KCNIP1: variants seen among roughly 807,000 people sequenced by gnomAD.
KCNIP1 encodes the protein A-type potassium channel modulatory protein KCNIP1.
In KCNIP1, 18 loss-of-function variants were observed where a neutral mutation model predicts 33.0. The observed-to-expected ratio is 0.55, with a 90% CI of 0.38 to 0.81. The LOEUF (loss-of-function observed/expected upper bound fraction) is 0.81, where lower values mean the gene tolerates loss of function less well. KCNIP1 is among the 30% of genes least tolerant of loss of function. The pLI is 0.00. For missense variants in KCNIP1, 238 were observed against 271.6 expected (o/e 0.88, Z 0.87); for synonymous variants, 93 against 98.3 (o/e 0.95, Z 0.32).
At chr5:170,530,212 A>G (rs1755736288) in intron 1 of KCNIP1, among the ~76,000 whole-genome samples, 1 of 152,254 alleles carries the variant, frequency 6.6e-6, no homozygotes, top group Non-Finnish European at 1.5e-5. Flanking sequence ...ATGGCAACAC[A>G]GATAAAATCA....
At chr5:170,528,071 G>T (rs922892849) in intron 1 of KCNIP1, among the ~76,000 whole-genome samples, 3 of 152,130 alleles carry the variant, frequency 2.0e-5, no homozygotes, top group Non-Finnish European at 4.4e-5. Context: ...AACCCTCCCA[G>T]GAGCCTCAAG....
At chr5:170,371,885 C>G (rs902314100) in intron 1 of KCNIP1, among the ~76,000 whole-genome samples, 1 of 151,978 alleles carries the variant, frequency 6.6e-6, no homozygotes, top group African/African-American at 2.4e-5. Context: ...TTCTCCCCGA[C>G]AATACTTCTG....
chr5:170,665,851 T>C (rs1449924263), intron 1 of KCNIP1, among the ~76,000 whole-genome samples: 1 of 152,232 alleles, frequency 6.6e-6, no homozygotes, highest in Non-Finnish European at 1.5e-5. Flanking sequence ...GAAGTTTTTC[T>C]GATGATTGCA....
chr5:170,536,417 C>T (rs1489109203), intron 1 of KCNIP1, among the ~76,000 whole-genome samples: 1 of 152,174 alleles, frequency 6.6e-6, no homozygotes, highest in Non-Finnish European at 1.5e-5. Flanking sequence ...ACGGGCAGAA[C>T]CTTGTCCCAC....
chr5:170,518,077 G>A (rs1194726435), intron 1 of KCNIP1, among the ~76,000 whole-genome samples: 1 of 151,986 alleles, frequency 6.6e-6, no homozygotes, highest in African/African-American at 2.4e-5. Flanking sequence ...TAGTGATGGT[G>A]GTGGTGTGGT....
rs1032992697 is a variant in KCNIP1 at position 170,496,045 on chromosome 5, G to A, written c.88+142081G>A. Among the ~76,000 whole-genome samples, 4 of 152,286 alleles carry A rather than the reference G, an allele frequency of 2.6e-5. No homozygotes were observed. In the East Asian group the frequency reaches 7.7e-4, roughly 29 times the overall value. On this transcript the variant is annotated intron_variant, in intron 1 of 7. Coordinates refer to the KCNIP1 transcript ENST00000377360. ...GGGCATGCTCATCGGCTCATCACTG[G>A]CATGATTACTAATCATCAGGCAGCG... is the stretch of plus-strand genomic sequence containing the variant.
chr5:170,497,777 C>T (rs1757337554), intron 1 of KCNIP1, among the ~76,000 whole-genome samples: 1 of 152,228 alleles, frequency 6.6e-6, no homozygotes, highest in African/African-American at 2.4e-5. Context: ...CCCCGCCTCA[C>T]CACACACACA....
chr5:170,500,747 T>C (rs1757394124), upstream of KCNIP1, among the ~76,000 whole-genome samples: 1 of 152,224 alleles, frequency 6.6e-6, no homozygotes, highest in Non-Finnish European at 1.5e-5. Context: ...CGTATGTGTG[T>C]GTATTTATCT....
intron 1 of KCNIP1, among the ~76,000 whole-genome samples, chr5:170,683,894 A>ATATGTG (rs1762450423): frequency 1.1e-5 from 1 of 91,636 alleles, no homozygotes; most frequent in African/African-American, 5.4e-5. Flanking sequence ...CAGCTAGTGT[A>ATATGTG]TGTGTGTGTG....
chr5:170,563,092 A>G (rs1000144192), intron 1 of KCNIP1, among the ~76,000 whole-genome samples: 1 of 152,158 alleles, frequency 6.6e-6, no homozygotes, highest in Admixed American at 6.5e-5. Flanking sequence ...AAGACCTGCT[A>G]GGAGAGCCTA....
chr5:170,661,908 A>G (rs1484344092), intron 1 of KCNIP1, among the ~76,000 whole-genome samples: 1 of 152,128 alleles, frequency 6.6e-6, no homozygotes, highest in Non-Finnish European at 1.5e-5. Flanking sequence ...GTCCCCTCTC[A>G]ATGTGTACAA....
At chr5:170,507,765 C>T (rs1253182079) in intron 1 of KCNIP1, among the ~76,000 whole-genome samples, 3 of 152,184 alleles carry the variant, frequency 2.0e-5, no homozygotes, top group Admixed American at 6.5e-5. Flanking sequence ...GTTCAGGGAG[C>T]GCTCTCTAAA....
At position 170,449,512 on chromosome 5, in the gene KCNIP1, G is replaced by A. The variant is rs1025142645; in HGVS notation, c.88+95548G>A. ...GTCCTGAATCAGGCTGCTGTAGGTTGAACTCCTGCCCCACTTAGCAGCTGG... is the reference window on the plus strand; with the variant it reads ...GTCCTGAATCAGGCTGCTGTAGGTTAAACTCCTGCCCCACTTAGCAGCTGG... On this transcript the variant is annotated intron_variant, in intron 1 of 7. Coordinates refer to the KCNIP1 transcript ENST00000377360. 4.6e-5 allele frequency among the ~76,000 whole-genome samples: 7 copies of A among 152,312 alleles called. No individual in the cohort carries two copies. In the East Asian group the frequency reaches 1.3e-3, roughly 29 times the overall value.
chr5:170,589,776 T>C (rs755538335), intron 1 of KCNIP1, among the ~76,000 whole-genome samples: 94 of 144,212 alleles, frequency 6.5e-4, no homozygotes, highest in African/African-American at 1.6e-3. Flanking sequence ...TGGTGTGGTG[T>C]GGTGTGATGT....
intron 1 of KCNIP1, among the ~76,000 whole-genome samples, chr5:170,497,518 G>A (rs1321775903): frequency 1.3e-5 from 2 of 152,292 alleles, no homozygotes; most frequent in East Asian, 3.9e-4. Context: ...ATGAGCATGT[G>A]TTCATGCAGC....
chr5:170,503,915 C>G, upstream of KCNIP1: 1 of 460,476 alleles, frequency 2.2e-6, no homozygotes, highest in Non-Finnish European at 2.9e-6. Flanking sequence ...GGGGTGAGGG[C>G]GCAGGGCTGG....
intron 1 of KCNIP1, among the ~76,000 whole-genome samples, chr5:170,451,810 C>T (rs1483425321): frequency 3.5e-5 from 5 of 142,588 alleles, no homozygotes; most frequent in Admixed American, 2.9e-4. Context: ...CCTGGGTGTC[C>T]GTGACTGGGC....
At chr5:170,384,734 A>G (rs532176497) in intron 1 of KCNIP1, among the ~76,000 whole-genome samples, 1 of 152,334 alleles carries the variant, frequency 6.6e-6, no homozygotes, top group Non-Finnish European at 1.5e-5. Flanking sequence ...GCTTTTCCTT[A>G]AAATCTCAAG....
chr5:170,583,411 G>C (rs1261526910), intron 1 of KCNIP1, among the ~76,000 whole-genome samples: 1 of 150,874 alleles, frequency 6.6e-6, no homozygotes, highest in Non-Finnish European at 1.5e-5. Context: ...TTGTGATCGA[G>C]ATCGTGGTGG....
Sources: gnomAD v4.1 joint callset for allele counts (sites outside exome capture counted in the v4.1 genomes callset) on GRCh38, gnomAD v4.1.1 for gene constraint, MANE v1.5 for transcripts, NCBI Gene and HGNC (gene_info 2026-07-23, HGNC 2026-07-21) for gene names.